TRDN: variants seen among roughly 807,000 people sequenced by gnomAD.
TRDN encodes the protein triadin.
A neutral mutation model predicts 149.7 loss-of-function variants in TRDN; 161 were observed. The ratio of observed to expected loss-of-function variants is 1.08; its 90% confidence interval spans 0.95 to 1.23. The LOEUF is 1.23. Ranked by LOEUF, TRDN falls within the 50% of genes most tolerant of loss-of-function variation. TRDN has a pLI of 0.00. For missense variants in TRDN, 896 were observed against 823.5 expected (o/e 1.09, Z -1.08); for synonymous variants, 294 against 250.5 (o/e 1.17, Z -1.64).
At chr6:123,300,309 G>C (rs532563584) in intron 24 of TRDN, among the ~76,000 whole-genome samples, 1 of 151,970 alleles carries the variant, frequency 6.6e-6, no homozygotes, top group Non-Finnish European at 1.5e-5. Context: ...AGCTCAAAAA[G>C]TTCAAATTAT....
chr6:123,457,574 T>C (rs1490199470), intron 10 of TRDN: 1 of 446,822 alleles, frequency 2.2e-6, no homozygotes. Context: ...TTTTTTTTTC[T>C]TTTGATGCTT....
At chr6:123,328,285 G>A (rs1779535318) in intron 23 of TRDN, among the ~76,000 whole-genome samples, 1 of 152,174 alleles carries the variant, frequency 6.6e-6, no homozygotes, top group African/African-American at 2.4e-5. Flanking sequence ...CTCCTCCTTT[G>A]TGCTGGCTGC....
intron 2 of TRDN, among the ~76,000 whole-genome samples, chr6:123,556,933 C>T (rs1464818152): frequency 6.6e-6 from 1 of 152,122 alleles, no homozygotes; most frequent in Admixed American, 6.5e-5. Context: ...TAACTGATGA[C>T]ATTCCACCAC....
intron 9 of TRDN, among the ~76,000 whole-genome samples, chr6:123,494,977 G>A (rs571628906): frequency 2.0e-5 from 3 of 151,668 alleles, no homozygotes; most frequent in East Asian, 2.0e-4. Flanking sequence ...CAGGTGATCC[G>A]CCCGCCTCAG....
rs369648462 is a variant in TRDN, at chr6:123,218,586, G to A, written c.*15C>T. On this transcript the variant is annotated 3_prime_UTR_variant, in exon 41 of 41. Coordinates refer to ENST00000334268, the MANE Select transcript of TRDN (RefSeq NM_006073.4). ...TTAAAATCTTAAAGCACTTGTAAGGGTCATACATGTGTGTTTACTGTCCTT... is the reference window on the plus strand; with the variant it reads ...TTAAAATCTTAAAGCACTTGTAAGGATCATACATGTGTGTTTACTGTCCTT... The A allele has an allele frequency of 3.1e-4, 492 of 1,609,310 alleles. No homozygotes were observed. Among genetic ancestry groups the A allele is most frequent in the Middle Eastern group, 2.0e-3 (12 of 6,038 alleles).
intron 29 of TRDN, among the ~76,000 whole-genome samples, chr6:123,272,025 A>G (rs1023764773): frequency 1.3e-5 from 2 of 151,834 alleles, no homozygotes; most frequent in Non-Finnish European, 1.5e-5. Flanking sequence ...GCTTTTGTCA[A>G]TACAGACAGC....
At chr6:123,586,877 G>A (rs2114604705) in intron 1 of TRDN, among the ~76,000 whole-genome samples, 1 of 152,012 alleles carries the variant, frequency 6.6e-6, no homozygotes, top group Non-Finnish European at 1.5e-5. Flanking sequence ...ACAAGGTCAG[G>A]GCATGGAAAT....
chr6:123,494,318 G>T (rs1371960081), intron 9 of TRDN, among the ~76,000 whole-genome samples: 1 of 152,088 alleles, frequency 6.6e-6, no homozygotes, highest in Non-Finnish European at 1.5e-5. Context: ...ATGCATAGAT[G>T]ATTTTATTAT....
chr6:123,633,877 G>A (rs1365739791), intron 1 of TRDN, among the ~76,000 whole-genome samples: 6 of 151,984 alleles, frequency 3.9e-5, no homozygotes, highest in Non-Finnish European at 8.8e-5. Flanking sequence ...AGCCATGGGA[G>A]GCATGAAATT....
chr6:123,259,480 T>C (rs1776682014), intron 35 of TRDN, 144 bp downstream of exon 35: 1 of 596,350 alleles, frequency 1.7e-6, no homozygotes, highest in Non-Finnish European at 3.0e-6. Context: ...AACTGTAATG[T>C]ACTATAATTA....
chr6:123,414,113 T>C lies in TRDN; in HGVS notation c.1052-20436A>G, dbSNP rs151149930. ...TCAAGTTCGCTATCTGATGAAGAAT[T>C]AAGGTTAATTTTACATGACTTCTTT... On this transcript the variant is annotated intron_variant, in intron 12 of 40. Coordinates refer to ENST00000334268, the MANE Select transcript of TRDN (RefSeq NM_006073.4). 9.7e-4 allele frequency among the ~76,000 whole-genome samples: 148 copies of C among 152,258 alleles called. 1 individual carries two copies. The East Asian group carries it at 0.02, about 20-fold the overall frequency.
At chr6:123,533,836 A>G (rs1164229460) in intron 4 of TRDN, among the ~76,000 whole-genome samples, 1 of 152,116 alleles carries the variant, frequency 6.6e-6, no homozygotes, top group African/African-American at 2.4e-5. Context: ...TGCATGTTGG[A>G]TATGCTTCAT....
At position 123,636,824 on chromosome 6, in the gene TRDN, A is replaced by G. The variant is rs760747221; in HGVS notation, c.-49T>C. The G allele has an allele frequency of 1.2e-6, 2 of 1,610,216 alleles. No homozygotes were observed. Among genetic ancestry groups the G allele is most frequent in the Non-Finnish European group, 1.7e-6 (2 of 1,177,378 alleles). On this transcript the variant is annotated 5_prime_UTR_variant, in exon 1 of 41. Transcript: ENST00000334268. ...AGTTGAAAAGTTCCCGTCAAGTTGC[A>G]CTTTGCAGAGTATTTGGGGATTTGA... is the stretch of plus-strand genomic sequence containing the variant.
intron 9 of TRDN, among the ~76,000 whole-genome samples, chr6:123,469,278 T>C (rs188370680): frequency 6.6e-6 from 1 of 152,324 alleles, no homozygotes; most frequent in Admixed American, 6.5e-5. Context: ...GGTTGTGTGT[T>C]AATAGGGACA....
chr6:123,499,934 C>T (rs927084665), intron 8 of TRDN, among the ~76,000 whole-genome samples: 1 of 150,420 alleles, frequency 6.6e-6, no homozygotes, highest in African/African-American at 2.4e-5. Flanking sequence ...AATATTAGTC[C>T]CTTTTATATA....
chr6:123,416,865 C>A (rs1326872791), intron 12 of TRDN, among the ~76,000 whole-genome samples: 2 of 152,070 alleles, frequency 1.3e-5, no homozygotes, highest in African/African-American at 4.8e-5. Flanking sequence ...CCAAGCCTAG[C>A]TAATTTTTTG....
chr6:123,275,757 T>C (rs1236548349), intron 26 of TRDN, among the ~76,000 whole-genome samples: 1 of 152,134 alleles, frequency 6.6e-6, no homozygotes, highest in African/African-American at 2.4e-5. Context: ...ACATTAAAGG[T>C]TATTCTGATG....
intron 9 of TRDN, among the ~76,000 whole-genome samples, chr6:123,468,009 T>C (rs1776937015): frequency 6.6e-6 from 1 of 152,048 alleles, no homozygotes; most frequent in Non-Finnish European, 1.5e-5. Flanking sequence ...TGTAGGGGTG[T>C]TATAGAGATT....
intron 9 of TRDN, chr6:123,471,052 A>C (rs543732135): frequency 1.6e-4 from 25 of 152,222 alleles, no homozygotes; most frequent in Admixed American, 2.0e-4. Context: ...AAAGTTTATC[A>C]GGGAAATGTT....
Sources: gnomAD v4.1 joint callset for allele counts (sites outside exome capture counted in the v4.1 genomes callset) on GRCh38, gnomAD v4.1.1 for gene constraint, MANE v1.5 for transcripts, NCBI Gene and HGNC (gene_info 2026-07-23, HGNC 2026-07-21) for gene names.